Variants in ELFN1 observed in about 807,000 individuals in gnomAD.
ELFN1 encodes extracellular leucine rich repeat and fibronectin type III domain containing 1, also known as protein ELFN1.
Under a neutral mutation model 7.6 loss-of-function variants are expected in ELFN1, and 6 were observed. That is an observed-to-expected ratio of 0.79 (90% CI 0.43 to 1.56). The LOEUF is 1.56. ELFN1 is among the 40% of genes most tolerant of loss of function. The pLI is 0.01. For missense variants in ELFN1, 1,169 were observed against 1,232.2 expected, an observed-to-expected ratio of 0.95 and a Z score of 0.77; for synonymous variants, 657 against 588.1, an observed-to-expected ratio of 1.12 and a Z score of -1.70.
At chr7:1,686,190 T>A (rs949080727) in intron 1 of ELFN1, among the ~76,000 whole-genome samples, 4 of 151,896 alleles carry the variant, frequency 2.6e-5, no homozygotes, top group African/African-American at 9.7e-5. Context: ...CAAGAGTTGC[T>A]AGTATTGCTG....
At chr7:1,731,607 C>T (rs962154887) in intron 3 of ELFN1, among the ~76,000 whole-genome samples, 1 of 152,178 alleles carries the variant, frequency 6.6e-6, no homozygotes, top group Non-Finnish European at 1.5e-5. Context: ...AGGGCCCATC[C>T]CAGGAAAACC....
intron 3 of ELFN1, among the ~76,000 whole-genome samples, chr7:1,729,949 G>A (rs566341427): frequency 2.6e-5 from 4 of 152,334 alleles, no homozygotes; most frequent in East Asian, 1.9e-4. Flanking sequence ...GGAGGTGGGC[G>A]GGGGTGGTCT....
At chr7:1,723,955 C>G (rs894839847) in intron 3 of ELFN1, among the ~76,000 whole-genome samples, 1 of 152,224 alleles carries the variant, frequency 6.6e-6, no homozygotes, top group African/African-American at 2.4e-5. Context: ...CACTCATTCA[C>G]CCGGAAACAT....
At chr7:1,681,510 G>A (rs1017227541) in intron 1 of ELFN1, among the ~76,000 whole-genome samples, 2 of 152,092 alleles carry the variant, frequency 1.3e-5, no homozygotes, top group African/African-American at 4.8e-5. Context: ...TTACAGGCAC[G>A]CACCACCATG....
At chr7:1,671,291 C>T (rs1778761777) in intron 1 of ELFN1, among the ~76,000 whole-genome samples, 2 of 151,984 alleles carry the variant, frequency 1.3e-5, no homozygotes, top group South Asian at 4.1e-4. Flanking sequence ...TGAAATGGGG[C>T]TAGGATGATC....
At chr7:1,690,078 C>G (rs1440418347) in intron 2 of ELFN1, among the ~76,000 whole-genome samples, 1 of 152,052 alleles carries the variant, frequency 6.6e-6, no homozygotes, top group African/African-American at 2.4e-5. Context: ...CATGGATGGA[C>G]TGATGGATGG....
chr7:1,695,029 G>A lies in ELFN1; in HGVS notation c.-456+6879G>A, dbSNP rs1430196275. Among the ~76,000 whole-genome samples, 48 of 152,200 alleles carry A rather than the reference G, an allele frequency of 3.2e-4. No homozygotes were observed. Among genetic ancestry groups the A allele is most frequent in the Admixed American group, 6.5e-5 (1 of 15,286 alleles). The stretch of plus-strand genomic sequence containing the variant: ...TGAGTGCTGCAGAGGGGCGTCGGGC[G>A]TCGTGCACATGTGCCCATCCCCCTC... On this transcript the variant is annotated intron_variant, in intron 2 of 3. Transcript: ENST00000424383. The surrounding 1 kb of genome is among the most constrained non-coding windows in gnomAD (Gnocchi z 5.1).
chr7:1,675,326 T>C (rs10950315), intron 1 of ELFN1, among the ~76,000 whole-genome samples: 8,696 of 152,248 alleles, frequency 0.057, 286 homozygotes, highest in African/African-American at 0.092. Flanking sequence ...GGCCGAGGGC[T>C]CGGGGGCGGG....
chr7:1,685,917 A>G (rs935012000), intron 1 of ELFN1, among the ~76,000 whole-genome samples: 31 of 147,860 alleles, frequency 2.1e-4, no homozygotes, highest in Admixed American at 3.4e-4. Context: ...AACGGTTTAT[A>G]TAAGTATTAA....
At chr7:1,736,062 G>T (rs1386815413) in intron 3 of ELFN1, among the ~76,000 whole-genome samples, 1 of 152,194 alleles carries the variant, frequency 6.6e-6, no homozygotes, top group Non-Finnish European at 1.5e-5. Context: ...GCTGGGCCGG[G>T]TCACCGTGGC....
chr7:1,719,038 C>T (rs1015853779), intron 3 of ELFN1, among the ~76,000 whole-genome samples: 2 of 152,122 alleles, frequency 1.3e-5, no homozygotes, highest in African/African-American at 4.8e-5. Flanking sequence ...GGCCTGAGTG[C>T]CTGAATCACA....
At chr7:1,685,858 A>C (rs150521530) in intron 1 of ELFN1, among the ~76,000 whole-genome samples, 1 of 147,936 alleles carries the variant, frequency 6.8e-6, no homozygotes, top group East Asian at 1.9e-4. Context: ...TATTTATATT[A>C]TATAATATAT....
intron 1 of ELFN1, among the ~76,000 whole-genome samples, chr7:1,674,965 C>G (rs1462015691): frequency 7.5e-6 from 1 of 134,092 alleles, no homozygotes; most frequent in Non-Finnish European, 1.6e-5. Flanking sequence ...AGGGCAGTGG[C>G]CGCAAGCCAC....
Position 1,745,679 on chromosome 7 carries a change from G to A in ELFN1, c.1083G>A (p.Lys361=), listed in dbSNP as rs566079751. ...SKASTVSRLT[K]AQEEIRLTNL... is the part of the protein sequence containing the mutation. The stretch of plus-strand genomic sequence containing the variant: ...CCTCCACCGTGTCCAGGCTGACCAA[G>A]GCCCAGGAGGAGATCCGTCTGACCA... The change falls in exon 4 of 4, where the codon AAG becomes AAA. Residue 361 remains lysine, a synonymous_variant. Transcript: ENST00000424383. 2 of 1,551,428 alleles carry A rather than the reference G, an allele frequency of 1.3e-6. No homozygotes were observed. Among genetic ancestry groups the A allele is most frequent in the South Asian group, 1.2e-5 (1 of 84,064 alleles).
intron 2 of ELFN1, among the ~76,000 whole-genome samples, chr7:1,707,456 C>T (rs1022074899): frequency 1.3e-5 from 2 of 152,206 alleles, no homozygotes; most frequent in African/African-American, 4.8e-5. Context: ...ATCGCAGCAT[C>T]TGCCCTCCCA....
In ELFN1 at chr7:1,673,760, TCCAGCCCCTGAAGATGGTCCAGCC is replaced by T. The variant is rs1778813698; in HGVS notation, c.-549+3407_-549+3430del. Among the ~76,000 whole-genome samples, 1 of 151,288 alleles carries T rather than the reference TCCAGCCCCTGAAGATGGTCCAGCC, an allele frequency of 6.6e-6. No individual in the cohort carries two copies. Among genetic ancestry groups the T allele is most frequent in the Non-Finnish European group, 1.5e-5 (1 of 67,304 alleles). On this transcript the variant is annotated intron_variant, in intron 1 of 3. Transcript: ENST00000424383. The surrounding 1 kb of genome is among the most constrained non-coding windows in gnomAD (Gnocchi z 4.7). ...CTCCTTTCCCTCGGAGATCAGCCGG[TCCAGCCCCTGAAGATGGTCCAGCC>T]GGTCCATTTTCCAGAAGGGTCCAGC... is the stretch of plus-strand genomic sequence containing the variant.
chr7:1,739,372 G>C lies in ELFN1; in HGVS notation c.-293-4932G>C, dbSNP rs1780544018. On this transcript the variant is annotated intron_variant, in intron 3 of 3. Coordinates refer to ENST00000424383, the MANE Select transcript of ELFN1 (RefSeq NM_001128636.4). This position sits in a 1 kb window ranked among gnomAD's most constrained non-coding sequence, Gnocchi z 4.6. ...GGACCAGGTGTGGGGGGAGGAAAGA[G>C]AGGAGTCCAGAATGCGGCGTCAACT... 6.6e-6 allele frequency: 1 copy of C among 152,552 alleles called. No homozygotes were observed. 9.4% of individuals were successfully genotyped at this position (152,552 alleles called of 1,614,324 possible). A position where few individuals can be genotyped will look rare whatever the true frequency, so the allele number is the denominator to read the frequency against.
At chr7:1,733,910 G>A (rs1481155623) in intron 3 of ELFN1, among the ~76,000 whole-genome samples, 1 of 152,144 alleles carries the variant, frequency 6.6e-6, no homozygotes, top group Non-Finnish European at 1.5e-5. Flanking sequence ...ATCTTAGCAG[G>A]AGGTCCTGTT....
At chr7:1,720,795 T>C (rs1779998622) in intron 3 of ELFN1, among the ~76,000 whole-genome samples, 1 of 151,078 alleles carries the variant, frequency 6.6e-6, no homozygotes, top group Non-Finnish European at 1.5e-5. Flanking sequence ...ACTTTTATTA[T>C]GTAACATAGA....
Sources: gnomAD v4.1 joint callset for allele counts (sites outside exome capture counted in the v4.1 genomes callset) on GRCh38, gnomAD v4.1.1 for gene constraint, Gnocchi (gnomAD v3.1) non-coding constraint, MANE v1.5 for transcripts, NCBI Gene and HGNC (gene_info 2026-07-23, HGNC 2026-07-21) for gene names.